Variants in OSBPL6 observed in about 807,000 individuals in gnomAD.
The protein encoded by OSBPL6 is oxysterol-binding protein-related protein 6.
In OSBPL6, 49 loss-of-function variants were observed where a neutral mutation model predicts 125.8. The observed-to-expected ratio is 0.39, with a 90% confidence interval of 0.31 to 0.49. The LOEUF is 0.49. Among genes scored for constraint, OSBPL6 ranks in the 20% least tolerant of loss-of-function variants. OSBPL6 has a pLI of 0.88. For missense variants in OSBPL6, 986 were observed against 1,135.4 expected (o/e 0.87, Z 1.89); for synonymous variants, 394 against 391.8 (o/e 1.01, Z -0.07).
intron 3 of OSBPL6, among the ~76,000 whole-genome samples, chr2:178,320,827 G>T (rs1271534631): frequency 6.6e-6 from 1 of 152,160 alleles, no homozygotes; most frequent in Non-Finnish European, 1.5e-5. Flanking sequence ...CTTTTTAACT[G>T]TTTTCAAAAG....
At chr2:178,345,444 T>C (rs1461681798) in intron 11 of OSBPL6, among the ~76,000 whole-genome samples, 1 of 152,214 alleles carries the variant, frequency 6.6e-6, no homozygotes, top group Non-Finnish European at 1.5e-5. Flanking sequence ...TTGCTTTTGA[T>C]TATGAAATGA....
chr2:178,386,789 G>T (rs1694975235), intron 19 of OSBPL6, among the ~76,000 whole-genome samples: 1 of 151,898 alleles, frequency 6.6e-6, no homozygotes, highest in Non-Finnish European at 1.5e-5. Context: ...AGCTCTGTTA[G>T]TTGAAAACAA....
In OSBPL6 at chr2:178,383,322, C is replaced by A. The variant is rs540873442; in HGVS notation, c.1875+45C>A. The A allele has an allele frequency of 1.9e-6, 3 of 1,589,324 alleles. No homozygotes were observed. The South Asian group carries it at 3.4e-5, about 18-fold the overall frequency. ...GCAGCGCCCCTCAGGGATTTGCCAA[C>A]CCTAGACCTGGGCTAAGCCAGAATT... On this transcript the variant is annotated intron_variant, in intron 17 of 24. Coordinates refer to ENST00000190611, the MANE Select transcript of OSBPL6 (RefSeq NM_032523.4).
In OSBPL6 at chr2:178,397,232, T is replaced by G. The variant is rs1364667701; in HGVS notation, c.*1673T>G. The G allele has an allele frequency of 3.3e-5, 5 of 152,186 alleles. No homozygotes were observed. The highest frequency in any genetic ancestry group is 6.5e-5 in the Admixed American group (1 of 15,282). 9.4% of individuals were successfully genotyped at this position (152,186 alleles called of 1,614,324 possible). On this transcript the variant is annotated 3_prime_UTR_variant, in exon 25 of 25. Coordinates refer to ENST00000190611, the MANE Select transcript of OSBPL6 (RefSeq NM_032523.4). ...GCGCAATATTTTATTTATCCAAAAC[T>G]CCTCCCTTGCATCTGAGTTTTTATG... is the stretch of plus-strand genomic sequence containing the variant.
intron 2 of OSBPL6, among the ~76,000 whole-genome samples, chr2:178,294,712 A>G (rs1685577405): frequency 7.8e-6 from 1 of 127,746 alleles, no homozygotes; most frequent in Non-Finnish European, 1.7e-5. Context: ...CGGCCACCAC[A>G]GCTATTTTTT....
At chr2:178,344,846 A>G (rs1432012030) in intron 11 of OSBPL6, among the ~76,000 whole-genome samples, 1 of 152,202 alleles carries the variant, frequency 6.6e-6, no homozygotes, top group Non-Finnish European at 1.5e-5. Flanking sequence ...TTTTGCTGTC[A>G]TCTCTAAATG....
intron 1 of OSBPL6, among the ~76,000 whole-genome samples, chr2:178,265,985 C>T (rs186625856): frequency 1.5e-4 from 23 of 152,250 alleles, no homozygotes; most frequent in African/African-American, 4.1e-4. Flanking sequence ...CAGAGAGATC[C>T]GGCCCAGCCT....
intron 1 of OSBPL6, among the ~76,000 whole-genome samples, chr2:178,260,655 C>T (rs2092028502): frequency 6.6e-6 from 1 of 152,072 alleles, no homozygotes; most frequent in African/African-American, 2.4e-5. Context: ...GAAATTTTAC[C>T]TTTAAATAAA....
At chr2:178,337,949 C>CTTTTTTTTTTTTTTTTTTTTTTTTTT (rs755944128) in intron 9 of OSBPL6, among the ~76,000 whole-genome samples, 1 of 139,148 alleles carries the variant, frequency 7.2e-6, no homozygotes, top group Non-Finnish European at 1.5e-5. Flanking sequence ...TCAGTATTCT[C>CTTTTTTTTTTTTTTTTTTTTTTTTTT]TTTTTTTTTT....
intron 1 of OSBPL6, among the ~76,000 whole-genome samples, chr2:178,218,757 A>G (rs334029): frequency 0.59 from 89,980 of 151,382 alleles, 29,468 homozygotes; most frequent in African/African-American, 0.89. Flanking sequence ...AGCCTCCCGA[A>G]TAGCTGGGAA....
chr2:178,334,670 C>T (rs112520153), intron 8 of OSBPL6, among the ~76,000 whole-genome samples: 1,537 of 152,224 alleles, frequency 0.01, 26 homozygotes, highest in African/African-American at 0.036. Flanking sequence ...GCTGGGATTA[C>T]GGGTGCCTAC....
Position 178,395,842 on chromosome 2 carries a change from T to C in OSBPL6, c.*283T>C, listed in dbSNP as rs899936521. On this transcript the variant is annotated 3_prime_UTR_variant, in exon 25 of 25. Coordinates refer to ENST00000190611, the MANE Select transcript of OSBPL6 (RefSeq NM_032523.4). The stretch of plus-strand genomic sequence containing the variant: ...AAAGCAGAATAAAAGGAGCAGAATA[T>C]AAAATCCAAAGTCTGACCAGTTTGT... 4.6e-5 allele frequency: 12 copies of C among 262,436 alleles called. No homozygotes were observed. The highest frequency in any genetic ancestry group is 7.0e-5 in the Non-Finnish European group (10 of 142,198). 16.3% of individuals were successfully genotyped at this position (262,436 alleles called of 1,614,324 possible). A position where few individuals can be genotyped will look rare whatever the true frequency, so the allele number is the denominator to read the frequency against.
At chr2:178,273,953 T>C (rs989605846) in intron 1 of OSBPL6, among the ~76,000 whole-genome samples, 1 of 152,196 alleles carries the variant, frequency 6.6e-6, no homozygotes, top group African/African-American at 2.4e-5. Context: ...ACCAGCTTGT[T>C]TGAAAGCTGA....
At chr2:178,299,505 AC>A (rs1314221535) in intron 2 of OSBPL6, among the ~76,000 whole-genome samples, 1 of 150,186 alleles carries the variant, frequency 6.7e-6, no homozygotes, top group East Asian at 2.0e-4. Flanking sequence ...AGATGAACTT[AC>A]TTTTTTTCTT....
At position 178,332,710 on chromosome 2, in the gene OSBPL6, C is replaced by G. The variant is rs780487276; in HGVS notation, c.442C>G (p.Arg148Gly). Residue 148 changes from arginine to glycine, a missense_variant, in exon 7 of 25, where the codon CGA becomes GGA. Transcript: ENST00000190611. ...LSVMSIKKKARRIDLDTEEHI... is the reference protein window; with the variant it reads ...LSVMSIKKKAGRIDLDTEEHI... The stretch of plus-strand genomic sequence containing the variant: ...AGTCATGTCAATTAAAAAGAAAGCT[C>G]GAAGAATAGACCTTGACACCGAAGA... 8.1e-6 allele frequency: 13 copies of G among 1,614,058 alleles called. No individual in the cohort carries two copies. Among genetic ancestry groups the G allele is most frequent in the South Asian group, 2.2e-5 (2 of 91,058 alleles).
chr2:178,212,776 C>T (rs952472526), intron 1 of OSBPL6, among the ~76,000 whole-genome samples: 1 of 151,498 alleles, frequency 6.6e-6, no homozygotes, highest in Non-Finnish European at 1.5e-5. Flanking sequence ...TTTATGTAAA[C>T]GAGTGTGCCC....
chr2:178,399,365 G>T lies in OSBPL6; in HGVS notation c.*3806G>T, dbSNP rs1184592245. The stretch of plus-strand genomic sequence containing the variant: ...TGAATTTCTTTTGTAAAACTGATAC[G>T]TTTAAACTGTACATTGCATAATCAT... On this transcript the variant is annotated 3_prime_UTR_variant, in exon 25 of 25. Transcript: ENST00000190611. 6.6e-6 allele frequency: 1 copy of T among 152,040 alleles called. No homozygotes were observed. The highest frequency in any genetic ancestry group is 1.5e-5 in the Non-Finnish European group (1 of 68,010). 9.4% of individuals were successfully genotyped at this position (152,040 alleles called of 1,614,324 possible).
chr2:178,214,158 G>A (rs915996635), intron 1 of OSBPL6, among the ~76,000 whole-genome samples: 1 of 152,132 alleles, frequency 6.6e-6, no homozygotes, highest in Non-Finnish European at 1.5e-5. Flanking sequence ...CCAACTGAAT[G>A]TGTAATGAAT....
At chr2:178,202,196 T>A (rs1039580131) in intron 1 of OSBPL6, among the ~76,000 whole-genome samples, 1 of 152,238 alleles carries the variant, frequency 6.6e-6, no homozygotes, top group African/African-American at 2.4e-5. Flanking sequence ...CAAAATCATA[T>A]ATTTACTATG....
Sources: gnomAD v4.1 joint callset for allele counts (sites outside exome capture counted in the v4.1 genomes callset) on GRCh38, gnomAD v4.1.1 for gene constraint, MANE v1.5 for transcripts, NCBI Gene and HGNC (gene_info 2026-07-23, HGNC 2026-07-21) for gene names.